Variants in C1orf105 observed in about 807,000 individuals in gnomAD.
C1orf105 encodes uncharacterized protein C1orf105.
Under a neutral mutation model 20.8 loss-of-function variants are expected in C1orf105, and 17 were observed. That is an observed-to-expected ratio of 0.82 (90% confidence interval 0.56 to 1.23). The LOEUF is 1.23. Ranked by LOEUF, C1orf105 falls within the 50% of genes most tolerant of loss-of-function variation. The pLI is 0.00. For missense variants in C1orf105, 219 were observed against 213.5 expected, an observed-to-expected ratio of 1.03 and a Z score of -0.16; for synonymous variants, 72 against 72.1, an observed-to-expected ratio of 1.00 and a Z score of 0.01.
At chr1:172,453,335 A>G (rs925097530) in intron 3 of C1orf105, 2 of 1,057,562 alleles carry the variant, frequency 1.9e-6, no homozygotes, top group African/African-American at 1.6e-5. Flanking sequence ...TATATGATTG[A>G]CAAAAGTCAC....
Position 172,426,565 on chromosome 1 carries a change from C to CT in C1orf105, c.21+5670dup, listed in dbSNP as rs76551842. 3.5e-4 allele frequency among the ~76,000 whole-genome samples: 52 copies of CT among 147,922 alleles called. No individual in the cohort carries two copies. The East Asian group carries it at 7.1e-3, about 20-fold the overall frequency. Reference sequence around the variant, plus strand: ...TTCTTGACTTCACTCTTTCAATGGTCTTTTTTTTTTTCTTCTACTTGAGTG... The same window carrying CT: ...TTCTTGACTTCACTCTTTCAATGGTCTTTTTTTTTTTTCTTCTACTTGAGTG... On this transcript the variant is annotated intron_variant, in intron 1 of 6. Coordinates refer to ENST00000367727, the MANE Select transcript of C1orf105 (RefSeq NM_139240.4).
chr1:172,432,633 G>A (rs1306525354), intron 1 of C1orf105, among the ~76,000 whole-genome samples: 1 of 152,150 alleles, frequency 6.6e-6, no homozygotes, highest in African/African-American at 2.4e-5. Flanking sequence ...AAACACCAAA[G>A]GTAAATAAAA....
chr1:172,420,688 A>T lies in C1orf105; in HGVS notation c.-198A>T, dbSNP rs925121390. ...TCTGAATGGAATTATATGATTCAAG[A>T]TGTAAATCACACAGATGTTGGTAGA... On this transcript the variant is annotated 5_prime_UTR_variant, in exon 1 of 7. An upstream start codon of the reference 5' UTR is lost. Transcript: ENST00000367727. 17 of 586,914 alleles carry T rather than the reference A, an allele frequency of 2.9e-5. No homozygotes were observed. The allele number at this position is 586,914 out of a possible 1,614,324, so 36.4% of individuals were successfully genotyped here.
intron 1 of C1orf105, among the ~76,000 whole-genome samples, chr1:172,435,201 T>C (rs557047749): frequency 5.3e-5 from 8 of 152,350 alleles, no homozygotes; most frequent in Admixed American, 5.2e-4. Context: ...CTTCTGAAAC[T>C]ATTCCAATCA....
At chr1:172,458,991 A>T (rs1649505129) in intron 4 of C1orf105, among the ~76,000 whole-genome samples, 2 of 152,192 alleles carry the variant, frequency 1.3e-5, no homozygotes, top group Admixed American at 1.3e-4. Context: ...GCATAGATAC[A>T]TGCAAAAGAA....
intron 1 of C1orf105, among the ~76,000 whole-genome samples, chr1:172,427,931 A>G (rs1262933515): frequency 6.6e-6 from 1 of 152,170 alleles, no homozygotes; most frequent in Non-Finnish European, 1.5e-5. Flanking sequence ...CTCCAAGGTC[A>G]TATTTCCTAT....
At chr1:172,445,302 C>A in intron 2 of C1orf105, 144 bp downstream of exon 2, 1 of 709,844 alleles carries the variant, frequency 1.4e-6, no homozygotes, top group Non-Finnish European at 2.3e-6. Context: ...TAGAAATAAT[C>A]CGGGTTTCTC....
intron 1 of C1orf105, among the ~76,000 whole-genome samples, chr1:172,435,590 G>A (rs556693891): frequency 1.4e-4 from 21 of 152,108 alleles, no homozygotes; most frequent in Non-Finnish European, 2.5e-4. Context: ...TTGATGGAAC[G>A]TATCTCAAAA....
chr1:172,434,492 C>T (rs944876328), intron 1 of C1orf105, among the ~76,000 whole-genome samples: 1 of 152,016 alleles, frequency 6.6e-6, no homozygotes, highest in Non-Finnish European at 1.5e-5. Flanking sequence ...ACAACCTGCT[C>T]CTGAATGACT....
At chr1:172,468,039 A>G (rs1432421550) in intron 6 of C1orf105, among the ~76,000 whole-genome samples, 1 of 152,132 alleles carries the variant, frequency 6.6e-6, no homozygotes, top group Non-Finnish European at 1.5e-5. Flanking sequence ...GAACAGAACT[A>G]TATATGTGTC....
Position 172,430,223 on chromosome 1 carries a change from C to A in C1orf105, c.21+9317C>A. The A allele has an allele frequency of 4.6e-6, 3 of 657,038 alleles. No homozygotes were observed. In the South Asian group the frequency reaches 5.0e-5, roughly 11 times the overall value. The allele number at this position is 657,038 out of a possible 1,614,324, so 40.7% of individuals were successfully genotyped here. ...TTTAAATATAAGAGACTGACTAGAT[C>A]ACTGAATTTAAGTGATGAGTAACTT... On this transcript the variant is annotated intron_variant, in intron 1 of 6. Coordinates refer to ENST00000367727, the MANE Select transcript of C1orf105 (RefSeq NM_139240.4).
chr1:172,466,546 A>G, intron 6 of C1orf105, among the ~76,000 whole-genome samples: 1 of 151,604 alleles, frequency 6.6e-6, no homozygotes, highest in South Asian at 2.1e-4. Flanking sequence ...CTTTTTTCAG[A>G]CCTGCATTGC....
At chr1:172,442,002 A>T in intron 1 of C1orf105, 1 of 1,614,242 alleles carries the variant, frequency 6.2e-7, no homozygotes, top group Non-Finnish European at 8.5e-7. Flanking sequence ...CAAAAATCTG[A>T]ATGGCAAATG....
chr1:172,433,204 T>TCCAGGAGAACTTCC (rs2071927226), intron 1 of C1orf105, among the ~76,000 whole-genome samples: 1 of 151,370 alleles, frequency 6.6e-6, no homozygotes, highest in Admixed American at 6.6e-5. Context: ...CAGGATATTA[T>TCCAGGAGAACTTCC]CCAGCCTAGC....
intron 1 of C1orf105, among the ~76,000 whole-genome samples, chr1:172,427,818 CT>C (rs1450039341): frequency 1.3e-5 from 2 of 152,288 alleles, no homozygotes; most frequent in East Asian, 3.9e-4. Context: ...CCTTTTCTGT[CT>C]ATAACCATTT....
intron 3 of C1orf105, among the ~76,000 whole-genome samples, chr1:172,449,896 C>T (rs529820659): frequency 1.1e-4 from 17 of 152,188 alleles, no homozygotes; most frequent in Non-Finnish European, 2.1e-4. Context: ...CAGGTCTCAC[C>T]TGCCGCTGAA....
At chr1:172,427,548 A>T (rs530369479) in intron 1 of C1orf105, among the ~76,000 whole-genome samples, 36 of 152,224 alleles carry the variant, frequency 2.4e-4, no homozygotes, top group African/African-American at 7.0e-4. Context: ...TTTCTCTTAA[A>T]CCCACACCAA....
chr1:172,450,755 T>C (rs1648541407), intron 3 of C1orf105, among the ~76,000 whole-genome samples: 1 of 152,158 alleles, frequency 6.6e-6, no homozygotes, highest in Admixed American at 6.5e-5. Context: ...GGTGCACGTG[T>C]GCCTGGAGCA....
intron 3 of C1orf105, among the ~76,000 whole-genome samples, chr1:172,454,580 C>T (rs576973773): frequency 6.6e-6 from 1 of 152,234 alleles, no homozygotes; most frequent in East Asian, 1.9e-4. Context: ...CCATCCCAAC[C>T]TACATTCACT....
Sources: gnomAD v4.1 joint callset for allele counts (sites outside exome capture counted in the v4.1 genomes callset) on GRCh38, gnomAD v4.1.1 for gene constraint, MANE v1.5 for transcripts, NCBI Gene and HGNC (gene_info 2026-07-23, HGNC 2026-07-21) for gene names.